Variants in VAV3 observed in about 807,000 individuals in gnomAD.
VAV3 encodes vav guanine nucleotide exchange factor 3.
VAV3 carries 94 observed loss-of-function variants against 131.2 expected under a neutral mutation model. The ratio of observed to expected loss-of-function variants is 0.72; its 90% CI spans 0.61 to 0.85. The LOEUF (loss-of-function observed/expected upper bound fraction) is 0.85. VAV3 is among the 40% of genes least tolerant of loss of function. The pLI is 0.00. For missense variants in VAV3, 939 were observed against 1,002.7 expected, an observed-to-expected ratio of 0.94 and a Z score of 0.86; for synonymous variants, 349 against 342.0, an observed-to-expected ratio of 1.02 and a Z score of -0.22.
At chr1:107,597,776 G>T (rs1482830446) in intron 24 of VAV3, among the ~76,000 whole-genome samples, 1 of 152,126 alleles carries the variant, frequency 6.6e-6, no homozygotes, top group Non-Finnish European at 1.5e-5. Flanking sequence ...CCTATAAAAT[G>T]GGGCTAATAA....
chr1:107,817,313 G>C (rs1667600429), intron 2 of VAV3, among the ~76,000 whole-genome samples: 1 of 152,030 alleles, frequency 6.6e-6, no homozygotes, highest in African/African-American at 2.4e-5. Flanking sequence ...ATCAGAGAAG[G>C]GCATTGGGTG....
At chr1:107,578,982 CTG>C in intron 25 of VAV3, 1 of 880,310 alleles carries the variant, frequency 1.1e-6, no homozygotes, top group Non-Finnish European at 1.4e-6. Context: ...GATAACCTAT[CTG>C]TAATCTTAAA....
intron 1 of VAV3, among the ~76,000 whole-genome samples, chr1:107,905,512 T>G (rs1047996901): frequency 6.6e-6 from 1 of 152,156 alleles, no homozygotes; most frequent in Non-Finnish European, 1.5e-5. Context: ...TGGAAGCCAA[T>G]GCTAAAGACC....
rs150972869 is a variant in VAV3 at position 107,705,054 on chromosome 1, T to C, written c.1510A>G (p.Ile504Val). The C allele has an allele frequency of 1.5e-4, 241 of 1,605,282 alleles. No individual in the cohort carries two copies. Among genetic ancestry groups the C allele is most frequent in the Middle Eastern group, 3.3e-4 (2 of 6,066 alleles). The change falls in exon 16 of 27, where the codon ATA becomes GTA. Residue 504 changes from isoleucine to valine, a missense_variant. By Grantham distance (29) the Ile-to-Val change is conservative (BLOSUM62 3). Coordinates refer to ENST00000370056, the MANE Select transcript of VAV3 (RefSeq NM_006113.5). ...TTGGAGTCTGCATAGTCTGGTCTTA[T>C]GTTAGACCTAAAAAAAGGAAAAAAA... ...LEQFEMALSNIRPDYADSNFH... is the reference protein window; with the variant it reads ...LEQFEMALSNVRPDYADSNFH...
chr1:107,892,631 G>A (rs1054740058), intron 1 of VAV3, among the ~76,000 whole-genome samples: 3 of 150,556 alleles, frequency 2.0e-5, no homozygotes, highest in African/African-American at 7.4e-5. Flanking sequence ...AAAAAATGAT[G>A]TGGACTCCTC....
intron 17 of VAV3, among the ~76,000 whole-genome samples, chr1:107,690,400 GT>G (rs1659348084): frequency 6.6e-6 from 1 of 152,094 alleles, no homozygotes; most frequent in Non-Finnish European, 1.5e-5. Context: ...AGGAACAGAA[GT>G]CCTGCATTTA....
Position 107,879,429 on chromosome 1 carries a change from C to A in VAV3, c.205-4412G>T, listed in dbSNP as rs370034281. On this transcript the variant is annotated intron_variant, in intron 1 of 26. Coordinates refer to ENST00000370056, the MANE Select transcript of VAV3 (RefSeq NM_006113.5). Reference sequence around the variant, plus strand: ...ATTCTATAATTTTCTTTGTGGAGTGCATAATAAGCCAATTCTTATCTCACT... The same window carrying A: ...ATTCTATAATTTTCTTTGTGGAGTGAATAATAAGCCAATTCTTATCTCACT... Among the ~76,000 whole-genome samples the A allele has an allele frequency of 1.2e-3, 188 of 152,210 alleles. 8 individuals are homozygous for A. The South Asian group carries it at 0.039, about 31-fold the overall frequency.
At chr1:107,931,922 CTGAG>C (rs1673455726) in intron 1 of VAV3, among the ~76,000 whole-genome samples, 1 of 152,204 alleles carries the variant, frequency 6.6e-6, no homozygotes, top group Non-Finnish European at 1.5e-5. Context: ...TGAAACTAAT[CTGAG>C]AACAGTTCTA....
chr1:107,788,130 G>A lies in VAV3; in HGVS notation c.322-8638C>T, dbSNP rs58045478. Among the ~76,000 whole-genome samples the A allele has an allele frequency of 1.9e-3, 283 of 152,008 alleles. 1 individual carries two copies. Among genetic ancestry groups the A allele is most frequent in the African/African-American group, 6.6e-3 (273 of 41,424 alleles). ...CTCTCTATTTCTTGCCTCAATTATTGGAATAGCTTCCAATATGTCTCCAGG... is the reference window on the plus strand; with the variant it reads ...CTCTCTATTTCTTGCCTCAATTATTAGAATAGCTTCCAATATGTCTCCAGG... On this transcript the variant is annotated intron_variant, in intron 2 of 26. Coordinates refer to ENST00000370056, the MANE Select transcript of VAV3 (RefSeq NM_006113.5).
At chr1:107,716,862 T>A (rs1316964829) in intron 15 of VAV3, among the ~76,000 whole-genome samples, 2 of 152,202 alleles carry the variant, frequency 1.3e-5, no homozygotes, top group Non-Finnish European at 2.9e-5. Context: ...TGAATCCGTC[T>A]GGTCCTGGAC....
At chr1:107,829,455 T>C (rs1336803452) in intron 2 of VAV3, among the ~76,000 whole-genome samples, 1 of 152,218 alleles carries the variant, frequency 6.6e-6, no homozygotes, top group African/African-American at 2.4e-5. Context: ...CCTAGGAGAT[T>C]AAAGTTTATT....
intron 25 of VAV3, among the ~76,000 whole-genome samples, chr1:107,586,871 C>A (rs144510685): frequency 6.6e-6 from 1 of 152,066 alleles, no homozygotes; most frequent in East Asian, 1.9e-4. Flanking sequence ...CAGTAAATAG[C>A]TATAGTACAT....
At chr1:107,836,207 C>T (rs1668471488) in intron 2 of VAV3, among the ~76,000 whole-genome samples, 1 of 152,136 alleles carries the variant, frequency 6.6e-6, no homozygotes, top group South Asian at 2.1e-4. Flanking sequence ...GAATACTCAA[C>T]CCAACAATCA....
intron 15 of VAV3, among the ~76,000 whole-genome samples, chr1:107,719,849 C>T (rs1021859710): frequency 1.3e-5 from 2 of 152,262 alleles, no homozygotes; most frequent in Admixed American, 1.3e-4. Context: ...GAAAATGTGG[C>T]ACATATACAC....
intron 10 of VAV3, 37 bp downstream of exon 10, chr1:107,760,747 T>A: frequency 1.3e-6 from 2 of 1,505,396 alleles, no homozygotes; most frequent in Non-Finnish European, 1.8e-6. Flanking sequence ...GTTGAGTGAA[T>A]AAATGGACAA....
chr1:107,924,944 G>C (rs183737446), intron 1 of VAV3, among the ~76,000 whole-genome samples: 67 of 152,228 alleles, frequency 4.4e-4, no homozygotes, highest in Non-Finnish European at 9.0e-4. Flanking sequence ...AGATATGTAC[G>C]CATTCAGCAA....
At chr1:107,743,169 G>T (rs1033937087) in intron 15 of VAV3, among the ~76,000 whole-genome samples, 1 of 152,168 alleles carries the variant, frequency 6.6e-6, no homozygotes, top group Non-Finnish European at 1.5e-5. Flanking sequence ...CCATCCTAGC[G>T]AAAACTCTGG....
chr1:107,853,626 TAAAAAA>T (rs527799435), intron 2 of VAV3, among the ~76,000 whole-genome samples: 1 of 148,522 alleles, frequency 6.7e-6, no homozygotes, highest in African/African-American at 2.5e-5. Context: ...TTAATGTCTT[TAAAAAA>T]AAAAGTTATT....
chr1:107,950,729 T>C (rs1034925979), intron 1 of VAV3, among the ~76,000 whole-genome samples: 1 of 151,798 alleles, frequency 6.6e-6, no homozygotes, highest in African/African-American at 2.4e-5. Flanking sequence ...GGAGTAAAAA[T>C]GGAAAGGCTG....
Sources: gnomAD v4.1 joint callset for allele counts (sites outside exome capture counted in the v4.1 genomes callset) on GRCh38, gnomAD v4.1.1 for gene constraint, MANE v1.5 for transcripts, NCBI Gene and HGNC (gene_info 2026-07-23, HGNC 2026-07-21) for gene names.